Variants in ERGIC2 observed in about 807,000 individuals in gnomAD.
ERGIC2 encodes endoplasmic reticulum-Golgi intermediate compartment protein 2.
ERGIC2 carries 31 observed loss-of-function variants against 52.5 expected under a neutral mutation model. The observed-to-expected ratio is 0.59, with a 90% CI of 0.44 to 0.80. ERGIC2 has a LOEUF of 0.80. Ranked by LOEUF, ERGIC2 falls within the 30% of genes least tolerant of loss-of-function variation. ERGIC2 has a pLI of 0.00. For missense variants in ERGIC2, 395 were observed against 455.2 expected (o/e 0.87, Z 1.20); for synonymous variants, 129 against 140.6 (o/e 0.92, Z 0.58).
At chr12:29,366,258 G>A (rs772729878) in intron 5 of ERGIC2, among the ~76,000 whole-genome samples, 17 of 151,870 alleles carry the variant, frequency 1.1e-4, no homozygotes, top group Admixed American at 3.9e-4. Flanking sequence ...ATCATGACTC[G>A]TTATCACTGT....
At chr12:29,378,605 A>AC (rs1188638916) in intron 1 of ERGIC2, among the ~76,000 whole-genome samples, 1 of 151,416 alleles carries the variant, frequency 6.6e-6, no homozygotes, top group African/African-American at 2.4e-5. Flanking sequence ...CAACCCCCCA[A>AC]CCCCCTCAAT....
At chr12:29,380,844 G>T (rs1361509385) in intron 1 of ERGIC2, 1 of 152,246 alleles carries the variant, frequency 6.6e-6, no homozygotes, top group Non-Finnish European at 1.5e-5. Flanking sequence ...TGCGATCGAG[G>T]AAGCACCTGA....
intron 8 of ERGIC2, among the ~76,000 whole-genome samples, chr12:29,354,102 G>A (rs568115582): frequency 5.9e-5 from 9 of 152,208 alleles, no homozygotes; most frequent in Admixed American, 4.6e-4. Context: ...GAAATTGACA[G>A]TCTCACACAA....
chr12:29,370,707 A>C (rs1320801427), intron 2 of ERGIC2, among the ~76,000 whole-genome samples: 1 of 151,986 alleles, frequency 6.6e-6, no homozygotes, highest in Non-Finnish European at 1.5e-5. Flanking sequence ...AAGGTAGCCT[A>C]ATTTCTTAGA....
intron 1 of ERGIC2, among the ~76,000 whole-genome samples, chr12:29,373,154 C>T (rs2136880874): frequency 6.6e-6 from 1 of 152,222 alleles, no homozygotes; most frequent in African/African-American, 2.4e-5. Flanking sequence ...ATTGCCTTTA[C>T]ATATAACTTC....
chr12:29,349,745 A>G (rs998293610), intron 9 of ERGIC2, among the ~76,000 whole-genome samples: 6 of 152,040 alleles, frequency 3.9e-5, no homozygotes, highest in Non-Finnish European at 5.9e-5. Flanking sequence ...ATAAACTGCA[A>G]ATATATTATT....
Position 29,367,086 on chromosome 12 carries a change from T to C in ERGIC2, c.263-139A>G, listed in dbSNP as rs1417829839. The C allele has an allele frequency of 2.1e-5, 10 of 468,934 alleles. No individual in the cohort carries two copies. In the East Asian group the frequency reaches 3.3e-4, roughly 15 times the overall value. 29.0% of individuals were successfully genotyped at this position (468,934 alleles called of 1,614,324 possible). On this transcript the variant is annotated intron_variant, in intron 4 of 13. Coordinates refer to ENST00000360150, the MANE Select transcript of ERGIC2 (RefSeq NM_016570.3). ...AAACCTCACCAACTATGTAGAATAA[T>C]TTCCGATATATTTGTCCAAAAGCTA... is the stretch of plus-strand genomic sequence containing the variant.
intron 5 of ERGIC2, among the ~76,000 whole-genome samples, chr12:29,363,358 T>C (rs1032118753): frequency 2.0e-5 from 3 of 152,016 alleles, no homozygotes; most frequent in Non-Finnish European, 2.9e-5. Flanking sequence ...CATATTAAAA[T>C]AATGAGTGAA....
chr12:29,374,349 G>A lies in ERGIC2; in HGVS notation c.-37-2679C>T, dbSNP rs1371409863. 2.0e-5 allele frequency among the ~76,000 whole-genome samples: 3 copies of A among 151,968 alleles called. No individual in the cohort carries two copies. The East Asian group carries it at 5.8e-4, about 29-fold the overall frequency. On this transcript the variant is annotated intron_variant, in intron 1 of 13. Transcript: ENST00000360150. The stretch of plus-strand genomic sequence containing the variant: ...CACATCCCCAATTTTCATTCTACCT[G>A]GAAAACCCTCTTTGGCTTACTGTGC...
rs779111606 is a variant in ERGIC2 at position 29,339,730 on chromosome 12, ATT to A, written c.*1424_*1425del. On this transcript the variant is annotated 3_prime_UTR_variant, in exon 14 of 14. Coordinates refer to ENST00000360150, the MANE Select transcript of ERGIC2 (RefSeq NM_016570.3). ...CACTATTTCTCCTTCTCTCCATTAT[ATT>A]GTTTATCCTGTTTTCATAAATTTAT... The A allele has an allele frequency of 5.3e-5, 8 of 152,076 alleles. No homozygotes were observed. The highest frequency in any genetic ancestry group is 8.8e-5 in the Non-Finnish European group (6 of 67,988). The allele number at this position is 152,076 out of a possible 1,614,324, so 9.4% of individuals were successfully genotyped here.
intron 1 of ERGIC2, among the ~76,000 whole-genome samples, chr12:29,379,650 G>A (rs1450114692): frequency 6.6e-6 from 1 of 152,096 alleles, no homozygotes; most frequent in Non-Finnish European, 1.5e-5. Context: ...TGCTTTGTAT[G>A]TTTCAACACA....
At chr12:29,368,577 CTT>C (rs1250001299) in intron 3 of ERGIC2, among the ~76,000 whole-genome samples, 2 of 151,882 alleles carry the variant, frequency 1.3e-5, no homozygotes, top group East Asian at 3.9e-4. Context: ...GTCTTAACCT[CTT>C]AATCTCTATT....
At chr12:29,380,082 T>C (rs1940566662) in intron 1 of ERGIC2, among the ~76,000 whole-genome samples, 1 of 151,390 alleles carries the variant, frequency 6.6e-6, no homozygotes, top group African/African-American at 2.4e-5. Context: ...AATCCTCCTC[T>C]CTCTATCCAT....
rs1949805529 is a variant in ERGIC2 at position 29,337,520 on chromosome 12, A to T, written c.*3636T>A. 1 of 152,086 alleles carries T rather than the reference A, an allele frequency of 6.6e-6. No homozygotes were observed. Among genetic ancestry groups the T allele is most frequent in the Non-Finnish European group, 1.5e-5 (1 of 68,006 alleles). The allele number at this position is 152,086 out of a possible 1,614,324, so 9.4% of individuals were successfully genotyped here. A position where few individuals can be genotyped will look rare whatever the true frequency, so the allele number is the denominator to read the frequency against. ...GAAAGTAGAAAAAAACTATGCTTTG[A>T]TTGCATCATCACAATATGGGGGGGA... On this transcript the variant is annotated 3_prime_UTR_variant, in exon 14 of 14. Transcript: ENST00000360150.
At chr12:29,345,187 C>T (rs1940028555) in intron 11 of ERGIC2, among the ~76,000 whole-genome samples, 2 of 152,132 alleles carry the variant, frequency 1.3e-5, no homozygotes, top group Admixed American at 1.3e-4. Flanking sequence ...CACAATTTAA[C>T]AATTTTAAGT....
At chr12:29,343,904 C>T (rs537338120) in intron 11 of ERGIC2, among the ~76,000 whole-genome samples, 1 of 152,178 alleles carries the variant, frequency 6.6e-6, no homozygotes, top group Admixed American at 6.5e-5. Context: ...TAATGAATGT[C>T]AGCCCTCTCC....
chr12:29,359,742 G>A (rs1443439583), intron 6 of ERGIC2, among the ~76,000 whole-genome samples: 1 of 151,520 alleles, frequency 6.6e-6, no homozygotes, highest in African/African-American at 2.4e-5. Context: ...AAAGACTCTT[G>A]GAATATACTT....
chr12:29,345,380 G>A, intron 11 of ERGIC2, 63 bp downstream of exon 11: 1 of 916,032 alleles, frequency 1.1e-6, no homozygotes, highest in Non-Finnish European at 1.7e-6. Context: ...TTGTAGCCAG[G>A]AAACTTTAAA....
At chr12:29,346,502 T>A (rs992579468) in intron 10 of ERGIC2, among the ~76,000 whole-genome samples, 2 of 152,156 alleles carry the variant, frequency 1.3e-5, no homozygotes, top group Non-Finnish European at 2.9e-5. Context: ...CATTTCTTTA[T>A]AGTACAGAAA....
Sources: allele counts gnomAD v4.1 joint callset (sites outside exome capture counted in the v4.1 genomes callset), GRCh38; gene constraint gnomAD v4.1.1; transcripts MANE v1.5; gene names NCBI Gene and HGNC (gene_info 2026-07-23, HGNC 2026-07-21).